DMD: variants seen among roughly 807,000 people sequenced by gnomAD.
DMD encodes dystrophin.
Under a neutral mutation model 330.1 loss-of-function variants are expected in DMD, and 63 were observed. That is an observed-to-expected ratio of 0.19 (90% CI 0.16 to 0.24). The LOEUF (loss-of-function observed/expected upper bound fraction) is 0.24, where lower values mean the gene tolerates loss of function less well. DMD is among the 10% of genes least tolerant of loss of function. The probability of loss-of-function intolerance (pLI) is 1.00; values close to 1 mark genes in which losing one functional copy is unlikely to be tolerated. For synonymous variants in DMD, 1,223 were observed against 959.8 expected (o/e 1.27, Z -5.07); for missense variants, 3,344 against 2,684.1 (o/e 1.25, Z -5.43).
At chrX:32,115,971 C>T (rs995878240) in intron 44 of DMD, among the ~76,000 whole-genome samples, 3 of 111,907 alleles carry the variant, frequency 2.7e-5, no homozygotes, top group African/African-American at 9.8e-5. Context: ...TTGAAGAAAG[C>T]AGATCAGGTA....
At chrX:32,711,236 G>C (rs1056363455) in intron 7 of DMD, among the ~76,000 whole-genome samples, 1 of 111,598 alleles carries the variant, frequency 9.0e-6, no homozygotes, top group African/African-American at 3.3e-5. Flanking sequence ...ATAGCTTCCA[G>C]TTCTTCTTGA....
At chrX:33,068,635 C>T (rs2094699842) in intron 1 of DMD, among the ~76,000 whole-genome samples, 1 of 112,243 alleles carries the variant, frequency 8.9e-6, no homozygotes, top group Non-Finnish European at 1.9e-5. Flanking sequence ...TATATGTGTA[C>T]ACACACATAT....
rs150166970 is a variant in DMD at position 31,295,983 on chromosome X, C to CTTT, written c.9224+27612_9224+27614dup. On this transcript the variant is annotated intron_variant, in intron 62 of 78. Transcript: ENST00000357033. ...ATGAAAGAAACAATCCAAAAAGTGA[C>CTTT]TTTTTTTTTTTTTTTTTTTTACAAT... 2.6e-3 allele frequency among the ~76,000 whole-genome samples: 241 copies of CTTT among 92,889 alleles called. 1 individual carries two copies. Among genetic ancestry groups the CTTT allele is most frequent in the Non-Finnish European group, 4.1e-3 (194 of 47,369 alleles). The allele number at this position is 92,889 out of a possible 115,157, so 80.7% of individuals were successfully genotyped here.
intron 43 of DMD, among the ~76,000 whole-genome samples, chrX:32,259,500 T>C (rs954182578): frequency 9.0e-6 from 1 of 110,782 alleles, no homozygotes; most frequent in South Asian, 3.7e-4. Flanking sequence ...TAAACATATA[T>C]AAAATTATTG....
intron 52 of DMD, among the ~76,000 whole-genome samples, chrX:31,684,276 GT>G (rs967405130): frequency 8.9e-6 from 1 of 112,059 alleles, no homozygotes; most frequent in Non-Finnish European, 1.9e-5. Context: ...GTCAAGAGAA[GT>G]TTTTTCCCAA....
intron 56 of DMD, among the ~76,000 whole-genome samples, chrX:31,506,889 T>C (rs758876682): frequency 2.7e-5 from 3 of 112,253 alleles, no homozygotes; most frequent in African/African-American, 9.7e-5. Context: ...TTAAAGACTG[T>C]CCTCTGGTAT....
intron 1 of DMD, among the ~76,000 whole-genome samples, chrX:33,044,834 C>T (rs1194539093): frequency 2.7e-5 from 3 of 112,025 alleles, no homozygotes; most frequent in Non-Finnish European, 5.6e-5. Flanking sequence ...AGAAGGAATT[C>T]ATTTTTCACT....
At chrX:32,105,246 G>T (rs897696113) in intron 44 of DMD, among the ~76,000 whole-genome samples, 11 of 111,599 alleles carry the variant, frequency 9.9e-5, no homozygotes, top group Middle Eastern at 9.3e-3. Context: ...GTAACATTAA[G>T]AGAACATATG....
intron 11 of DMD, among the ~76,000 whole-genome samples, chrX:32,631,006 G>T (rs916297557): frequency 1.8e-5 from 2 of 111,789 alleles, no homozygotes; most frequent in African/African-American, 3.3e-5. Context: ...CTTGGGTGTT[G>T]TGATTTATTC....
chrX:32,911,621 T>C (rs2087251068), intron 2 of DMD, among the ~76,000 whole-genome samples: 1 of 111,685 alleles, frequency 9.0e-6, no homozygotes, highest in African/African-American at 3.2e-5. Context: ...CCCAAACTCA[T>C]TTTTCATTAA....
intron 1 of DMD, among the ~76,000 whole-genome samples, chrX:33,034,164 A>C (rs1257376890): frequency 9.0e-6 from 1 of 111,515 alleles, no homozygotes; most frequent in Non-Finnish European, 1.9e-5. Context: ...ATATGAATAT[A>C]AAATTCATGA....
intron 51 of DMD, among the ~76,000 whole-genome samples, chrX:31,756,938 A>T (rs764766445): frequency 9.1e-6 from 1 of 110,412 alleles, no homozygotes; most frequent in Non-Finnish European, 1.9e-5. Context: ...GATAAACCTA[A>T]ATGTGCAGCA....
chrX:33,119,298 A>G (rs1371740587), intron 1 of DMD, among the ~76,000 whole-genome samples: 1 of 112,630 alleles, frequency 8.9e-6, no homozygotes, highest in African/African-American at 3.2e-5. Flanking sequence ...AAGAATTGTA[A>G]GTATTGTCTT....
At chrX:32,683,880 G>A (rs1412163140) in intron 9 of DMD, among the ~76,000 whole-genome samples, 1 of 109,791 alleles carries the variant, frequency 9.1e-6, no homozygotes, top group Non-Finnish European at 1.9e-5. Context: ...AAGGGCCACT[G>A]AGTAATAATG....
intron 12 of DMD, among the ~76,000 whole-genome samples, chrX:32,601,190 G>T (rs1001296213): frequency 9.0e-6 from 1 of 111,232 alleles, no homozygotes; most frequent in Non-Finnish European, 1.9e-5. Context: ...ACTTTGCTAA[G>T]CCTGGCTGGT....
At chrX:33,087,409 A>G (rs185756180) in intron 1 of DMD, among the ~76,000 whole-genome samples, 2 of 112,105 alleles carry the variant, frequency 1.8e-5, no homozygotes, top group African/African-American at 6.5e-5. Context: ...CTTAAAATAC[A>G]TATTTGTGTT....
In DMD at chrX:31,512,199, C is replaced by A. The variant is rs1210527167; in HGVS notation, c.8218-4746G>T. Among the ~76,000 whole-genome samples, 14 of 109,246 alleles carry A rather than the reference C, an allele frequency of 1.3e-4. 1 individual carries two copies. Among genetic ancestry groups the A allele is most frequent in the East Asian group, 5.7e-4 (2 of 3,491 alleles). 94.9% of individuals were successfully genotyped at this position (109,246 alleles called of 115,157 possible). A position where few individuals can be genotyped will look rare whatever the true frequency, so the allele number is the denominator to read the frequency against. ...TGGGGTTGTTTGTTTTTTTCTTGTA[C>A]ATTTGTTTGAGTTCATTGTAGATTC... On this transcript the variant is annotated intron_variant, in intron 55 of 78. Coordinates refer to ENST00000357033, the MANE Select transcript of DMD (RefSeq NM_004006.3).
chrX:32,470,314 C>T (rs746906591), intron 22 of DMD, among the ~76,000 whole-genome samples: 2 of 110,968 alleles, frequency 1.8e-5, no homozygotes, highest in African/African-American at 6.5e-5. Context: ...TTGTTTCCAT[C>T]GATTTTTATG....
chrX:32,372,506 G>A (rs1233925936), intron 34 of DMD, among the ~76,000 whole-genome samples: 1 of 111,423 alleles, frequency 9.0e-6, no homozygotes, highest in Non-Finnish European at 1.9e-5. Context: ...AGCTATCAGT[G>A]TTTGTCACCT....
Sources: allele counts gnomAD v4.1 joint callset (sites outside exome capture counted in the v4.1 genomes callset), GRCh38; gene constraint gnomAD v4.1.1; transcripts MANE v1.5; gene names NCBI Gene and HGNC (gene_info 2026-07-23, HGNC 2026-07-21).